Variants in KIN observed in about 807,000 individuals in gnomAD.
KIN encodes the protein Kin17 DNA and RNA binding protein.
KIN carries 47 observed loss-of-function variants against 63.0 expected under a neutral mutation model. That is an observed-to-expected ratio of 0.75 (90% CI 0.59 to 0.95). The LOEUF (loss-of-function observed/expected upper bound fraction) is 0.95, where lower values mean the gene tolerates loss of function less well. Ranked by LOEUF, KIN falls within the 40% of genes least tolerant of loss-of-function variation. KIN has a pLI of 0.00. For missense variants in KIN, 408 were observed against 460.9 expected (o/e 0.89, Z 1.05); for synonymous variants, 160 against 157.7 (o/e 1.01, Z -0.11).
At chr10:7,785,032 T>C (rs1377654114) in intron 1 of KIN, among the ~76,000 whole-genome samples, 1 of 151,356 alleles carries the variant, frequency 6.6e-6, no homozygotes, top group Non-Finnish European at 1.5e-5. Context: ...GGAGGAGTGC[T>C]TGAGTTCAGG....
At chr10:7,771,021 G>A (rs535226301) in intron 7 of KIN, among the ~76,000 whole-genome samples, 1 of 151,998 alleles carries the variant, frequency 6.6e-6, no homozygotes, top group East Asian at 1.9e-4. Flanking sequence ...TTACTCACTG[G>A]GTTTTGACCT....
chr10:7,772,635 A>C (rs1467762221), intron 7 of KIN, among the ~76,000 whole-genome samples: 1 of 152,214 alleles, frequency 6.6e-6, no homozygotes, highest in Non-Finnish European at 1.5e-5. Context: ...TATGTACCAT[A>C]ATTTCAGAGA....
intron 2 of KIN, among the ~76,000 whole-genome samples, chr10:7,781,209 C>A (rs1455687173): frequency 6.6e-6 from 1 of 151,984 alleles, no homozygotes; most frequent in African/African-American, 2.4e-5. Context: ...TAAGTAGAAC[C>A]CTAGAGGTGA....
chr10:7,780,159 G>T lies in KIN; in HGVS notation c.273C>A (p.Asn91Lys), dbSNP rs755740799. 1.2e-6 allele frequency: 2 copies of T among 1,613,598 alleles called. No homozygotes were observed. Among genetic ancestry groups the T allele is most frequent in the African/African-American group, 1.3e-5 (1 of 74,826 alleles). ...RRRFGTKRVH[N>K]NIVYNEYISH... ...TGATGTATTCGTTGTAGACAATGTT[G>T]TTGTGGACCCTTTTAGTGCCTGAGA... Residue 91 changes from asparagine to lysine, a missense_variant, in exon 4 of 13, where the codon AAC becomes AAA. By Grantham distance (94) the Asn-to-Lys change is moderately conservative. Coordinates refer to ENST00000379562, the MANE Select transcript of KIN (RefSeq NM_012311.4).
chr10:7,786,370 T>G (rs575994112), intron 1 of KIN, among the ~76,000 whole-genome samples: 1 of 152,350 alleles, frequency 6.6e-6, no homozygotes, highest in Non-Finnish European at 1.5e-5. Context: ...TGAAATATCC[T>G]GATATTGGTA....
Position 7,769,279 on chromosome 10 carries a change from G to C in KIN, c.735C>G (p.Ser245=), listed in dbSNP as rs371777633. 2 of 1,613,472 alleles carry C rather than the reference G, an allele frequency of 1.2e-6. No individual in the cohort carries two copies. Among genetic ancestry groups the C allele is most frequent in the Non-Finnish European group, 1.7e-6 (2 of 1,179,664 alleles). The change falls in exon 8 of 13, where the codon TCC becomes TCG. Residue 245 remains serine, a synonymous_variant. Transcript: ENST00000379562. ...SSASVKRKES[S]QSSTQSKEKK... ...TTTCTTTAGACTGAGTTGAGCTCTGGGAAGATTCTTTTCGTTTCACTGATG... is the reference window on the plus strand; with the variant it reads ...TTTCTTTAGACTGAGTTGAGCTCTGCGAAGATTCTTTTCGTTTCACTGATG...
chr10:7,778,751 A>T (rs1835832391), intron 5 of KIN, 87 bp downstream of exon 5: 9 of 1,400,966 alleles, frequency 6.4e-6, no homozygotes, highest in Non-Finnish European at 4.9e-6. Context: ...AAACAACAAC[A>T]ACAACAAAAA....
chr10:7,764,325 G>A (rs866685730), intron 9 of KIN, among the ~76,000 whole-genome samples: 1 of 152,282 alleles, frequency 6.6e-6, no homozygotes, highest in Non-Finnish European at 1.5e-5. Flanking sequence ...TATAGCTAAA[G>A]GTATTGTTCT....
intron 1 of KIN, among the ~76,000 whole-genome samples, chr10:7,783,896 A>G (rs1835947508): frequency 6.6e-6 from 1 of 151,994 alleles, no homozygotes; most frequent in Non-Finnish European, 1.5e-5. Context: ...CAGCTTCTTA[A>G]TAACCCATAT....
chr10:7,763,149 G>C (rs541854142), intron 10 of KIN, among the ~76,000 whole-genome samples: 12 of 152,078 alleles, frequency 7.9e-5, no homozygotes, highest in Non-Finnish European at 1.5e-4. Context: ...CCAGCTACTC[G>C]GGAGGCTGAG....
intron 8 of KIN, among the ~76,000 whole-genome samples, chr10:7,767,158 C>T (rs1835563081): frequency 6.6e-6 from 1 of 152,076 alleles, no homozygotes; most frequent in South Asian, 2.1e-4. Flanking sequence ...TTTTAAAAAT[C>T]CCTGTCACAG....
rs886862815 is a variant in KIN, at chr10:7,753,804, A to C, written c.*2276T>G. 9.3e-6 allele frequency: 2 copies of C among 214,810 alleles called. No homozygotes were observed. Among genetic ancestry groups the C allele is most frequent in the African/African-American group, 4.7e-5 (2 of 42,800 alleles). 13.3% of individuals were successfully genotyped at this position (214,810 alleles called of 1,614,324 possible). A position where few individuals can be genotyped will look rare whatever the true frequency, so the allele number is the denominator to read the frequency against. On this transcript the variant is annotated 3_prime_UTR_variant, in exon 13 of 13. Transcript: ENST00000379562. ...TCATCCCTGAGGAACATTTTCTGTA[A>C]AGCTTCTGCCATCATCCTATTAGTA...
chr10:7,781,875 G>A lies in KIN; in HGVS notation c.209+1206C>T, dbSNP rs73629917. ...AGTTCAACACCAGCATGGCCAACAT[G>A]CCTAAACCCTTTCTCTATTAAAAAT... On this transcript the variant is annotated intron_variant, in intron 2 of 12. Transcript: ENST00000379562. Among the ~76,000 whole-genome samples the A allele has an allele frequency of 5.2e-3, 792 of 151,644 alleles. 8 individuals are homozygous for A. The highest frequency in any genetic ancestry group is 0.019 in the African/African-American group (770 of 41,330).
At chr10:7,769,798 A>G (rs1835629732) in intron 7 of KIN, among the ~76,000 whole-genome samples, 1 of 152,218 alleles carries the variant, frequency 6.6e-6, no homozygotes, top group Admixed American at 6.5e-5. Flanking sequence ...ACCCAAATGC[A>G]AGAATTAAAT....
rs778997425 is a variant in KIN at position 7,756,114 on chromosome 10, C to T, written c.1148G>A (p.Gly383Glu). ...TGPLKGRRVE[G>E]IQYEDISKLA The stretch of plus-strand genomic sequence containing the variant: ...TTTAGAAATGTCTTCATATTGAATT[C>T]CTTCAACTCTGCGTCCTTTTAAAGG... Residue 383 changes from glycine (G) to glutamate (E), a missense_variant, in exon 13 of 13, where the codon GGA becomes GAA. Gly to Glu is a moderately conservative substitution (Grantham distance 98). Transcript: ENST00000379562. 1.3e-6 allele frequency: 2 copies of T among 1,589,028 alleles called. No individual in the cohort carries two copies. The highest frequency in any genetic ancestry group is 1.3e-5 in the African/African-American group (1 of 74,150).
rs1835289653 is a variant in KIN, at chr10:7,754,303, C to G, written c.*1777G>C. The stretch of plus-strand genomic sequence containing the variant: ...TGAGCCATGATTGTGCCACTGCACT[C>G]CAGGCTGGATGACAGAGCAAGACCC... On this transcript the variant is annotated 3_prime_UTR_variant, in exon 13 of 13. Coordinates refer to ENST00000379562, the MANE Select transcript of KIN (RefSeq NM_012311.4). The G allele has an allele frequency of 3.0e-6, 1 of 331,942 alleles. No homozygotes were observed. The highest frequency in any genetic ancestry group is 6.0e-6 in the Non-Finnish European group (1 of 166,892). 20.6% of individuals were successfully genotyped at this position (331,942 alleles called of 1,614,324 possible). A position where few individuals can be genotyped will look rare whatever the true frequency, so the allele number is the denominator to read the frequency against.
intron 7 of KIN, among the ~76,000 whole-genome samples, chr10:7,772,795 T>C (rs1050309998): frequency 6.6e-6 from 1 of 152,192 alleles, no homozygotes; most frequent in African/African-American, 2.4e-5. Flanking sequence ...AAAACTAATA[T>C]TTTTGCTAAT....
At chr10:7,763,883 A>G (rs1016611567) in intron 9 of KIN, 92 bp from the exon 10 acceptor site, 1 of 632,810 alleles carries the variant, frequency 1.6e-6, no homozygotes. Context: ...ACCCAAAACC[A>G]CAGGAAAATG....
At position 7,787,888 on chromosome 10, in the gene KIN, T is replaced by C; in HGVS notation, c.46A>G (p.Ile16Val). Residue 16 changes from isoleucine (I) to valine (V), a missense_variant, in exon 1 of 13, where the codon ATC becomes GTC. This residue lies in a region of KIN where 110 missense variants were observed against 164.9 expected (regional missense o/e 0.67). Coordinates refer to ENST00000379562, the MANE Select transcript of KIN (RefSeq NM_012311.4). ...AGCTTCTGCAGCCCCTTGGACTTGATCCTGTTGGCGATAGCCTTGGGAGTA... is the reference window on the plus strand; with the variant it reads ...AGCTTCTGCAGCCCCTTGGACTTGACCCTGTTGGCGATAGCCTTGGGAGTA... ...FLTPKAIANR[I>V]KSKGLQKLRW... The C allele has an allele frequency of 1.2e-6, 2 of 1,614,202 alleles. No individual in the cohort carries two copies. The highest frequency in any genetic ancestry group is 1.7e-6 in the Non-Finnish European group (2 of 1,180,014).
Sources: gnomAD v4.1 joint callset for allele counts (sites outside exome capture counted in the v4.1 genomes callset) on GRCh38, gnomAD v4.1.1 for gene constraint, gnomAD v4.1.1 regional missense constraint, MANE v1.5 for transcripts, NCBI Gene and HGNC (gene_info 2026-07-23, HGNC 2026-07-21) for gene names.